Variants in SKAP2 observed in about 807,000 individuals in gnomAD.
SKAP2 encodes src kinase associated phosphoprotein 2.
A neutral mutation model predicts 54.9 loss-of-function variants in SKAP2; 28 were observed. The observed-to-expected ratio is 0.51, with a 90% confidence interval of 0.38 to 0.70. The LOEUF is 0.70. Among genes scored for constraint, SKAP2 ranks in the 30% least tolerant of loss-of-function variants. SKAP2 has a pLI of 0.00. For missense variants in SKAP2, 356 were observed against 424.1 expected (o/e 0.84, Z 1.41); for synonymous variants, 137 against 134.3 (o/e 1.02, Z -0.14).
chr7:26,797,350 C>T (rs1358001852), intron 4 of SKAP2, among the ~76,000 whole-genome samples: 3 of 152,210 alleles, frequency 2.0e-5, no homozygotes, highest in Non-Finnish European at 4.4e-5. Flanking sequence ...CTTTAGGGGG[C>T]TCAGAACAGA....
At chr7:26,743,923 A>G (rs1017838234) in intron 4 of SKAP2, among the ~76,000 whole-genome samples, 3 of 152,190 alleles carry the variant, frequency 2.0e-5, no homozygotes, top group Non-Finnish European at 4.4e-5. Context: ...TTTATTCATA[A>G]GGTAACTGAT....
chr7:26,756,665 C>T (rs1312509779), intron 4 of SKAP2, among the ~76,000 whole-genome samples: 3 of 152,132 alleles, frequency 2.0e-5, no homozygotes, highest in African/African-American at 2.4e-5. Context: ...TTTATAGCAG[C>T]ATGATTTATA....
chr7:26,736,246 A>C (rs1787937601), intron 6 of SKAP2, among the ~76,000 whole-genome samples: 1 of 152,186 alleles, frequency 6.6e-6, no homozygotes, highest in African/African-American at 2.4e-5. Context: ...TTGCTGATAA[A>C]AGGATGCAGG....
chr7:26,719,883 G>A (rs1351797938), intron 9 of SKAP2, among the ~76,000 whole-genome samples: 3 of 152,136 alleles, frequency 2.0e-5, no homozygotes, highest in Non-Finnish European at 4.4e-5. Context: ...CAAGTGATAA[G>A]AATAAAAAGG....
chr7:26,741,559 TAAATA>T (rs1562593906), intron 4 of SKAP2, among the ~76,000 whole-genome samples: 13 of 88,582 alleles, frequency 1.5e-4, no homozygotes, highest in African/African-American at 4.9e-4. Context: ...AATAAATAAA[TAAATA>T]AATAAATAAA....
intron 4 of SKAP2, among the ~76,000 whole-genome samples, chr7:26,805,760 C>T (rs1784012593): frequency 6.6e-6 from 1 of 152,068 alleles, no homozygotes; most frequent in Admixed American, 6.6e-5. Flanking sequence ...TAAGCCATTC[C>T]CCAATGCTTG....
At chr7:26,791,230 C>T (rs1783668411) in intron 4 of SKAP2, among the ~76,000 whole-genome samples, 2 of 152,118 alleles carry the variant, frequency 1.3e-5, no homozygotes, top group Non-Finnish European at 2.9e-5. Flanking sequence ...GATTATTAGC[C>T]TGTACCTAGT....
chr7:26,831,060 C>A (rs977618341), intron 4 of SKAP2, among the ~76,000 whole-genome samples: 1 of 151,982 alleles, frequency 6.6e-6, no homozygotes, highest in African/African-American at 2.4e-5. Context: ...CATTTTTTCC[C>A]CACTTATTTT....
chr7:26,672,892 C>G (rs1431102721), intron 11 of SKAP2, among the ~76,000 whole-genome samples: 1 of 151,944 alleles, frequency 6.6e-6, no homozygotes, highest in Non-Finnish European at 1.5e-5. Context: ...CCTGAACATT[C>G]AATATTGTAC....
intron 4 of SKAP2, among the ~76,000 whole-genome samples, chr7:26,802,829 C>T (rs1347280519): frequency 2.6e-5 from 4 of 151,842 alleles, no homozygotes; most frequent in African/African-American, 4.8e-5. Context: ...TGCAGTGAGT[C>T]AAGATCGCAC....
At chr7:26,814,686 T>C (rs760755502) in intron 4 of SKAP2, among the ~76,000 whole-genome samples, 31 of 152,048 alleles carry the variant, frequency 2.0e-4, no homozygotes, top group Non-Finnish European at 4.0e-4. Flanking sequence ...AGAAACACTT[T>C]TATATGAATG....
chr7:26,820,264 T>C (rs950361091), intron 4 of SKAP2, among the ~76,000 whole-genome samples: 1 of 152,220 alleles, frequency 6.6e-6, no homozygotes, highest in Non-Finnish European at 1.5e-5. Flanking sequence ...ATCCTTCCAC[T>C]TGTAAAACAG....
intron 4 of SKAP2, among the ~76,000 whole-genome samples, chr7:26,757,533 T>G (rs1782821859): frequency 6.6e-6 from 1 of 152,204 alleles, no homozygotes; most frequent in Non-Finnish European, 1.5e-5. Flanking sequence ...TTGGTCTATA[T>G]CTCTGTTTTT....
chr7:26,735,146 C>A (rs1265773263), intron 6 of SKAP2, among the ~76,000 whole-genome samples: 1 of 152,170 alleles, frequency 6.6e-6, no homozygotes, highest in Non-Finnish European at 1.5e-5. Flanking sequence ...AAAACCCAAA[C>A]TGTGAGCACC....
chr7:26,744,952 C>T (rs142408132), intron 4 of SKAP2, among the ~76,000 whole-genome samples: 1 of 152,124 alleles, frequency 6.6e-6, no homozygotes, highest in Non-Finnish European at 1.5e-5. Context: ...GAATCCAAAG[C>T]CTTATTTTTA....
chr7:26,791,898 C>A (rs1056977947), intron 4 of SKAP2, among the ~76,000 whole-genome samples: 1 of 152,174 alleles, frequency 6.6e-6, no homozygotes, highest in Non-Finnish European at 1.5e-5. Flanking sequence ...TACACCAACA[C>A]TTACAGTAGT....
rs192017627 is a variant in SKAP2, at chr7:26,671,733, C to T, written c.988-1541G>A. 2.4e-3 allele frequency among the ~76,000 whole-genome samples: 372 copies of T among 151,910 alleles called. 4 individuals are homozygous for T. Among genetic ancestry groups the T allele is most frequent in the African/African-American group, 8.4e-3 (350 of 41,444 alleles). On this transcript the variant is annotated intron_variant, in intron 11 of 12. Coordinates refer to ENST00000345317, the MANE Select transcript of SKAP2 (RefSeq NM_003930.5). ...TCATTGATAGTGTGAACTTAGTGGA[C>T]GAAGCTGTATAAGGAACGAGGATAC...
chr7:26,772,853 G>C (rs1413260865), intron 4 of SKAP2, among the ~76,000 whole-genome samples: 2 of 152,166 alleles, frequency 1.3e-5, no homozygotes, highest in Admixed American at 6.5e-5. Context: ...TCATTCTGCT[G>C]TTCATAGAAT....
downstream of SKAP2, among the ~76,000 whole-genome samples, chr7:26,665,136 A>G (rs1004352797): frequency 1.3e-5 from 2 of 152,208 alleles, no homozygotes; most frequent in Non-Finnish European, 2.9e-5. Flanking sequence ...AATGCTTTCA[A>G]GATCAGATGC....
Sources: allele counts gnomAD v4.1 joint callset (sites outside exome capture counted in the v4.1 genomes callset), GRCh38; gene constraint gnomAD v4.1.1; transcripts MANE v1.5; gene names NCBI Gene and HGNC (gene_info 2026-07-23, HGNC 2026-07-21).